Variants in MTUS2 observed in about 807,000 individuals in gnomAD.
The protein encoded by MTUS2 is microtubule-associated tumor suppressor candidate 2.
In MTUS2, 40 loss-of-function variants were observed where a neutral mutation model predicts 114.1. The ratio of observed to expected loss-of-function variants is 0.35; its 90% CI spans 0.27 to 0.46. MTUS2 has a LOEUF of 0.46. Ranked by LOEUF, MTUS2 falls within the 20% of genes least tolerant of loss-of-function variation. The probability of loss-of-function intolerance (pLI) is 1.00; values close to 1 mark genes in which losing one functional copy is unlikely to be tolerated. For missense variants in MTUS2, 1,679 were observed against 1,705.4 expected (o/e 0.98, Z 0.27); for synonymous variants, 688 against 672.0 (o/e 1.02, Z -0.37).
At chr13:29,334,307 T>C (rs1900941929) in intron 7 of MTUS2, among the ~76,000 whole-genome samples, 1 of 152,190 alleles carries the variant, frequency 6.6e-6, no homozygotes, top group South Asian at 2.1e-4. Context: ...GTGTCAATGG[T>C]CTTTACAATT....
intron 4 of MTUS2, among the ~76,000 whole-genome samples, chr13:29,054,630 A>G (rs1426182673): frequency 6.6e-6 from 1 of 152,126 alleles, no homozygotes; most frequent in Non-Finnish European, 1.5e-5. Context: ...GAACTATATA[A>G]TTAGAAATTA....
chr13:29,256,681 T>C (rs2139448947), intron 5 of MTUS2, among the ~76,000 whole-genome samples: 1 of 152,266 alleles, frequency 6.6e-6, no homozygotes, highest in East Asian at 1.9e-4. Flanking sequence ...GTTTGCCACT[T>C]TGCAAAAACA....
chr13:29,457,420 A>G (rs867128499), intron 9 of MTUS2, among the ~76,000 whole-genome samples: 2 of 136,304 alleles, frequency 1.5e-5, no homozygotes, highest in Admixed American at 7.1e-5. Flanking sequence ...TCTGGCTGCT[A>G]TTGCTCCACA....
chr13:29,249,940 A>C (rs1329668524), intron 5 of MTUS2, among the ~76,000 whole-genome samples: 1 of 152,216 alleles, frequency 6.6e-6, no homozygotes, highest in Non-Finnish European at 1.5e-5. Context: ...AAACCTAGGC[A>C]ATACCATTCA....
At chr13:29,188,169 T>G (rs1894301271) in intron 5 of MTUS2, among the ~76,000 whole-genome samples, 1 of 152,128 alleles carries the variant, frequency 6.6e-6, no homozygotes, top group South Asian at 2.1e-4. Context: ...AGGACTGAAG[T>G]TAATGTTGCG....
chr13:28,999,566 A>G (rs1885289701), intron 2 of MTUS2, among the ~76,000 whole-genome samples: 1 of 152,236 alleles, frequency 6.6e-6, no homozygotes, highest in Admixed American at 6.5e-5. Context: ...TAATTGTGTA[A>G]TGATCAAATC....
chr13:29,248,693 G>A (rs376129062), intron 5 of MTUS2, among the ~76,000 whole-genome samples: 14 of 152,196 alleles, frequency 9.2e-5, no homozygotes, highest in African/African-American at 2.6e-4. Flanking sequence ...TGTTCTCATC[G>A]TTCATCTCCC....
At chr13:29,211,278 C>A (rs1307379268) in intron 5 of MTUS2, among the ~76,000 whole-genome samples, 2 of 152,230 alleles carry the variant, frequency 1.3e-5, no homozygotes, top group African/African-American at 4.8e-5. Context: ...ACAGGCCTTA[C>A]CCAATGCCCA....
At chr13:29,438,540 T>C (rs1877592017) in intron 8 of MTUS2, among the ~76,000 whole-genome samples, 1 of 152,156 alleles carries the variant, frequency 6.6e-6, no homozygotes, top group Admixed American at 6.5e-5. Flanking sequence ...GCAAGGCAGC[T>C]CCCTGGGATC....
At position 29,503,066 on chromosome 13, in the gene MTUS2, C is replaced by G; in HGVS notation, c.3970C>G (p.Arg1324Gly). 1 of 1,614,210 alleles carries G rather than the reference C, an allele frequency of 6.2e-7. No homozygotes were observed. Among genetic ancestry groups the G allele is most frequent in the Non-Finnish European group, 8.5e-7 (1 of 1,180,030 alleles). The part of the protein sequence containing the change: ...KETQEKKRLS[R>G]TNEELLWKLQ... ...AACCCAGGAGAAGAAGAGATTGAGC[C>G]GAACCAATGAAGAGCTGCTTTGGAA... The change falls in exon 16 of 16, where the codon CGA becomes GGA. Residue 1324 changes from arginine (R) to glycine (G), a missense_variant. By Grantham distance (125) the Arg-to-Gly change is moderately radical. This residue lies in a region of MTUS2 where 822 missense variants were observed against 899.7 expected (regional missense o/e 0.91). Coordinates refer to ENST00000612955, the MANE Select transcript of MTUS2 (RefSeq NM_001033602.4).
intron 8 of MTUS2, among the ~76,000 whole-genome samples, chr13:29,361,799 G>C (rs1044323291): frequency 6.6e-6 from 1 of 152,184 alleles, no homozygotes; most frequent in African/African-American, 2.4e-5. Context: ...GCCTGAAAAT[G>C]CATGATCTCT....
chr13:28,924,904 A>G (rs916861016), intron 2 of MTUS2, among the ~76,000 whole-genome samples: 2 of 152,024 alleles, frequency 1.3e-5, no homozygotes, highest in Non-Finnish European at 2.9e-5. Context: ...TTTCCTTTGG[A>G]AAAGGGTACA....
intron 2 of MTUS2, among the ~76,000 whole-genome samples, chr13:28,862,387 C>T (rs952274169): frequency 6.6e-6 from 1 of 152,140 alleles, no homozygotes; most frequent in African/African-American, 2.4e-5. Flanking sequence ...GAGGCGGGTG[C>T]ATCACCTGAG....
intron 2 of MTUS2, among the ~76,000 whole-genome samples, chr13:28,887,991 C>T (rs147361138): frequency 6.6e-6 from 1 of 152,334 alleles, no homozygotes; most frequent in East Asian, 1.9e-4. Context: ...GTCTCAGACA[C>T]CTTTTCTACC....
chr13:28,982,477 C>G (rs1884403015), intron 2 of MTUS2, among the ~76,000 whole-genome samples: 2 of 152,144 alleles, frequency 1.3e-5, no homozygotes, highest in Non-Finnish European at 2.9e-5. Flanking sequence ...CTCAAAAAAT[C>G]AAACATAGAA....
At chr13:29,273,110 T>C (rs143173604) in intron 5 of MTUS2, among the ~76,000 whole-genome samples, 33 of 152,196 alleles carry the variant, frequency 2.2e-4, no homozygotes, top group East Asian at 9.6e-4. Context: ...TACTATCACA[T>C]TGGCAACATC....
intron 4 of MTUS2, among the ~76,000 whole-genome samples, chr13:29,039,375 C>T (rs1417914706): frequency 2.6e-5 from 4 of 152,256 alleles, no homozygotes; most frequent in African/African-American, 9.6e-5. Context: ...ACGCCAGAAA[C>T]TGTGCAAAGC....
At chr13:29,291,070 A>G (rs1898691273) in intron 6 of MTUS2, among the ~76,000 whole-genome samples, 2 of 152,216 alleles carry the variant, frequency 1.3e-5, no homozygotes, top group Non-Finnish European at 2.9e-5. Context: ...CCTTTCTGTT[A>G]GTATGGCCTC....
At chr13:29,019,324 C>T (rs1225497011) in intron 2 of MTUS2, among the ~76,000 whole-genome samples, 1 of 152,080 alleles carries the variant, frequency 6.6e-6, no homozygotes, top group Non-Finnish European at 1.5e-5. Context: ...TGTTTTGTCC[C>T]CTGCTGTGTT....
Sources: gnomAD v4.1 joint callset for allele counts (sites outside exome capture counted in the v4.1 genomes callset) on GRCh38, gnomAD v4.1.1 for gene constraint, gnomAD v4.1.1 regional missense constraint, MANE v1.5 for transcripts, NCBI Gene and HGNC (gene_info 2026-07-23, HGNC 2026-07-21) for gene names.